CACNA2D2: variants seen among roughly 807,000 people sequenced by gnomAD.
The protein encoded by CACNA2D2 is voltage-dependent calcium channel subunit alpha-2/delta-2.
CACNA2D2 carries 48 observed loss-of-function variants against 166.4 expected under a neutral mutation model. The ratio of observed to expected loss-of-function variants is 0.29; its 90% confidence interval spans 0.23 to 0.37. The LOEUF is 0.37. CACNA2D2 is among the 10% of genes least tolerant of loss of function. The pLI is 1.00. For missense variants in CACNA2D2, 1,122 were observed against 1,433.0 expected, an observed-to-expected ratio of 0.78 and a Z score of 3.50; for synonymous variants, 561 against 573.7, an observed-to-expected ratio of 0.98 and a Z score of 0.32.
At chr3:50,400,733 C>T (rs1176199313) in intron 3 of CACNA2D2, among the ~76,000 whole-genome samples, 3 of 152,268 alleles carry the variant, frequency 2.0e-5, no homozygotes, top group Admixed American at 2.0e-4. Context: ...GGCACCCAGC[C>T]TTACCCGTCC....
At chr3:50,458,062 T>G (rs1438365857) in intron 2 of CACNA2D2, among the ~76,000 whole-genome samples, 1 of 152,214 alleles carries the variant, frequency 6.6e-6, no homozygotes, top group Non-Finnish European at 1.5e-5. Flanking sequence ...TAACACTACC[T>G]GCTAGATTAT....
chr3:50,448,800 T>TA (rs1559959173), intron 2 of CACNA2D2, among the ~76,000 whole-genome samples: 1 of 152,078 alleles, frequency 6.6e-6, no homozygotes, highest in Admixed American at 6.5e-5. Context: ...GTCACATCCC[T>TA]AGAGCCAGGC....
chr3:50,448,632 A>T (rs1163860233), intron 2 of CACNA2D2, among the ~76,000 whole-genome samples: 1 of 152,126 alleles, frequency 6.6e-6, no homozygotes, highest in African/African-American at 2.4e-5. Context: ...AGTAAGGTGC[A>T]TGTGTTCCTG....
intron 2 of CACNA2D2, among the ~76,000 whole-genome samples, chr3:50,442,834 T>G (rs1188159289): frequency 6.6e-6 from 1 of 152,126 alleles, no homozygotes; most frequent in African/African-American, 2.4e-5. Context: ...TTGCCTGAAC[T>G]CAAGACAAGC....
intron 2 of CACNA2D2, among the ~76,000 whole-genome samples, chr3:50,449,168 C>G (rs1708992122): frequency 6.6e-6 from 1 of 152,178 alleles, no homozygotes; most frequent in African/African-American, 2.4e-5. Context: ...TTCGTTGAAG[C>G]CAAGAGAGGA....
chr3:50,485,325 C>T (rs930061692), intron 1 of CACNA2D2, among the ~76,000 whole-genome samples: 5 of 152,204 alleles, frequency 3.3e-5, no homozygotes, highest in Admixed American at 3.3e-4. Context: ...CTGTCTGTGG[C>T]TTGATTTCCC....
intron 4 of CACNA2D2, among the ~76,000 whole-genome samples, chr3:50,390,318 A>G (rs1705823005): frequency 6.6e-6 from 1 of 152,142 alleles, no homozygotes; most frequent in Non-Finnish European, 1.5e-5. Context: ...GCCCAGTTAA[A>G]TCATGCAGCC....
intron 3 of CACNA2D2, among the ~76,000 whole-genome samples, chr3:50,405,244 G>C (rs535757141): frequency 6.6e-6 from 1 of 152,164 alleles, no homozygotes; most frequent in Non-Finnish European, 1.5e-5. Context: ...TGGGGGTGGA[G>C]GGTAGTGGAG....
intron 3 of CACNA2D2, among the ~76,000 whole-genome samples, chr3:50,400,780 G>A (rs1706409340): frequency 6.6e-6 from 1 of 152,196 alleles, no homozygotes. Context: ...GCGCATCTAC[G>A]CTGGACACAC....
At chr3:50,438,613 G>C (rs1708455404) in intron 2 of CACNA2D2, among the ~76,000 whole-genome samples, 1 of 152,208 alleles carries the variant, frequency 6.6e-6, no homozygotes, top group Non-Finnish European at 1.5e-5. Flanking sequence ...GCTCCTAACA[G>C]AGCTGCCTGG....
At chr3:50,403,616 C>T (rs894436432) in intron 3 of CACNA2D2, among the ~76,000 whole-genome samples, 2 of 152,188 alleles carry the variant, frequency 1.3e-5, no homozygotes, top group African/African-American at 4.8e-5. Flanking sequence ...TTCAGGTTTC[C>T]CCATCAAGTT....
intron 3 of CACNA2D2, among the ~76,000 whole-genome samples, chr3:50,423,783 G>C (rs542931021): frequency 6.6e-6 from 1 of 152,384 alleles, no homozygotes; most frequent in Admixed American, 6.5e-5. Context: ...GGGCCCCCAG[G>C]CCTGTGCCAG....
chr3:50,503,633 C>T lies in CACNA2D2; in HGVS notation c.-210G>A, dbSNP rs1170908788. The T allele has an allele frequency of 3.1e-5, 5 of 160,800 alleles. No homozygotes were observed. Among genetic ancestry groups the T allele is most frequent in the African/African-American group, 9.6e-5 (4 of 41,474 alleles). 10.0% of individuals were successfully genotyped at this position (160,800 alleles called of 1,614,324 possible). On this transcript the variant is annotated 5_prime_UTR_variant, in exon 1 of 38. Coordinates refer to ENST00000424201, the MANE Select transcript of CACNA2D2 (RefSeq NM_006030.4). The stretch of plus-strand genomic sequence containing the variant: ...CCCTGCAGCGCTGGCTCCAAGCGCT[C>T]TGAGCGCCCGGCCCGGGACCTGCGC...
In CACNA2D2 at chr3:50,363,189, G is replaced by A. The variant is rs1236815112; in HGVS notation, c.*1477C>T. On this transcript the variant is annotated 3_prime_UTR_variant, in exon 38 of 38. Coordinates refer to ENST00000424201, the MANE Select transcript of CACNA2D2 (RefSeq NM_006030.4). ...ACACTACAGTTACACGCACGCCCCC[G>A]AAGGACACAGCTGGCATCCAGGCCG... is the stretch of plus-strand genomic sequence containing the variant. 13 of 398,756 alleles carry A rather than the reference G, an allele frequency of 3.3e-5. No homozygotes were observed. Among genetic ancestry groups the A allele is most frequent in the Admixed American group, 1.8e-4 (4 of 22,710 alleles). The allele number at this position is 398,756 out of a possible 1,614,324, so 24.7% of individuals were successfully genotyped here.
intron 2 of CACNA2D2, among the ~76,000 whole-genome samples, chr3:50,462,301 T>C (rs370326712): frequency 7.9e-5 from 12 of 151,512 alleles, no homozygotes; most frequent in South Asian, 2.1e-4. Context: ...GGCAGGAGAA[T>C]TGCTTGAACC....
At chr3:50,450,759 T>C (rs1709058390) in intron 2 of CACNA2D2, among the ~76,000 whole-genome samples, 2 of 152,012 alleles carry the variant, frequency 1.3e-5, no homozygotes, top group African/African-American at 4.8e-5. Flanking sequence ...AGCCTTCCCT[T>C]CCCATCGGCA....
chr3:50,483,512 C>T (rs1195323781), intron 1 of CACNA2D2, among the ~76,000 whole-genome samples: 1 of 152,198 alleles, frequency 6.6e-6, no homozygotes, highest in African/African-American at 2.4e-5. Flanking sequence ...TGGGAGGCAG[C>T]AGTCTGTGCC....
At chr3:50,441,552 G>GC (rs1168608662) in intron 2 of CACNA2D2, among the ~76,000 whole-genome samples, 7 of 152,348 alleles carry the variant, frequency 4.6e-5, no homozygotes, top group Middle Eastern at 3.4e-3. Context: ...CCCTGTGCTT[G>GC]CCCCTGTGCA....
chr3:50,380,062 T>C lies in CACNA2D2; in HGVS notation c.843-44A>G. On this transcript the variant is annotated intron_variant, in intron 8 of 37. Coordinates refer to ENST00000424201, the MANE Select transcript of CACNA2D2 (RefSeq NM_006030.4). This position sits in a 1 kb window ranked among gnomAD's most constrained non-coding sequence, Gnocchi z 4.9. ...TGTTAGGGTAAGGCCCACTGGGACC[T>C]TGTGGGTCCTTCCTTCCTTCACATA... 1.3e-6 allele frequency: 2 copies of C among 1,592,154 alleles called. No homozygotes were observed. The highest frequency in any genetic ancestry group is 1.1e-5 in the South Asian group (1 of 90,580).
Sources: gnomAD v4.1 joint callset for allele counts (sites outside exome capture counted in the v4.1 genomes callset) on GRCh38, gnomAD v4.1.1 for gene constraint, Gnocchi (gnomAD v3.1) non-coding constraint, MANE v1.5 for transcripts, NCBI Gene and HGNC (gene_info 2026-07-23, HGNC 2026-07-21) for gene names.